The following AGBL1 variants were observed in gnomAD, a reference collection of about 807,000 sequenced individuals.
The protein encoded by AGBL1 is cytosolic carboxypeptidase 4.
A neutral mutation model predicts 118.9 loss-of-function variants in AGBL1; 130 were observed. The observed-to-expected ratio is 1.09, with a 90% CI of 0.95 to 1.26. The LOEUF (loss-of-function observed/expected upper bound fraction) is 1.26. AGBL1 is among the 50% of genes most tolerant of loss of function. AGBL1 has a pLI of 0.00. For synonymous variants in AGBL1, 555 were observed against 478.9 expected (o/e 1.16, Z -2.08); for missense variants, 1,584 against 1,298.1 (o/e 1.22, Z -3.38).
chr15:86,234,784 A>G (rs1173720595), intron 6 of AGBL1, among the ~76,000 whole-genome samples: 1 of 152,192 alleles, frequency 6.6e-6, no homozygotes, highest in Non-Finnish European at 1.5e-5. Context: ...GGAGTACAGT[A>G]CTGGATCTTG....
At chr15:86,487,281 T>C (rs370901836) in intron 18 of AGBL1, among the ~76,000 whole-genome samples, 12 of 152,032 alleles carry the variant, frequency 7.9e-5, no homozygotes, top group African/African-American at 2.9e-4. Flanking sequence ...ATTGTAACTC[T>C]TTGCTTGAAA....
chr15:86,641,512 C>G (rs1458635389), intron 21 of AGBL1, among the ~76,000 whole-genome samples: 1 of 151,910 alleles, frequency 6.6e-6, no homozygotes, highest in East Asian at 1.9e-4. Flanking sequence ...ACTCTCCTGA[C>G]TTTTGTGAGA....
intron 21 of AGBL1, among the ~76,000 whole-genome samples, chr15:86,618,953 A>AC (rs2084767356): frequency 6.6e-6 from 1 of 152,164 alleles, no homozygotes; most frequent in Non-Finnish European, 1.5e-5. Flanking sequence ...TGCAGAAAAA[A>AC]TGTAGGCAGT....
intron 21 of AGBL1, among the ~76,000 whole-genome samples, chr15:86,632,171 G>A (rs1430550487): frequency 6.6e-6 from 1 of 151,742 alleles, no homozygotes; most frequent in African/African-American, 2.4e-5. Flanking sequence ...GGAAGGCTGA[G>A]GGAGGAGGAT....
rs891393371 is a variant in AGBL1, at chr15:86,912,419, T to C, written c.*5125T>C. On this transcript the variant is annotated 3_prime_UTR_variant, in exon 23 of 23. Coordinates refer to ENST00000614907, the MANE Select transcript of AGBL1 (RefSeq NM_001386094.1). ...GGTGAGAACTGTCTGTGCAGCTCCATGGATATCATGCCAACTTGGCTGCCT... is the reference window on the plus strand; with the variant it reads ...GGTGAGAACTGTCTGTGCAGCTCCACGGATATCATGCCAACTTGGCTGCCT... The C allele has an allele frequency of 3.3e-5, 5 of 152,182 alleles. No homozygotes were observed. The highest frequency in any genetic ancestry group is 1.2e-4 in the African/African-American group (5 of 41,434). 9.4% of individuals were successfully genotyped at this position (152,182 alleles called of 1,614,324 possible). A position where few individuals can be genotyped will look rare whatever the true frequency, so the allele number is the denominator to read the frequency against.
chr15:86,802,840 G>T (rs2078668781), intron 22 of AGBL1, among the ~76,000 whole-genome samples: 1 of 152,210 alleles, frequency 6.6e-6, no homozygotes, highest in Non-Finnish European at 1.5e-5. Context: ...CGTTGCAATT[G>T]TCCCTTAACC....
intron 4 of AGBL1, among the ~76,000 whole-genome samples, chr15:86,156,989 C>T (rs138249807): frequency 2.0e-5 from 3 of 152,060 alleles, no homozygotes; most frequent in Non-Finnish European, 4.4e-5. Flanking sequence ...GGAGTTTCAC[C>T]ATGTTGGCCA....
chr15:86,709,674 A>G (rs2086519178), intron 22 of AGBL1, among the ~76,000 whole-genome samples: 1 of 152,182 alleles, frequency 6.6e-6, no homozygotes, highest in Non-Finnish European at 1.5e-5. Context: ...AGGAATTGTG[A>G]CTAGAGTAGG....
chr15:86,995,360 T>G (rs2081370548), intron 24 of AGBL1, among the ~76,000 whole-genome samples: 1 of 152,090 alleles, frequency 6.6e-6, no homozygotes, highest in Non-Finnish European at 1.5e-5. Context: ...TACTCCAGGG[T>G]GAGTGACAGA....
At chr15:86,118,175 G>A (rs1485581320) in intron 1 of AGBL1, among the ~76,000 whole-genome samples, 3 of 152,136 alleles carry the variant, frequency 2.0e-5, no homozygotes, top group Admixed American at 6.6e-5. Flanking sequence ...ATTTTTAAAG[G>A]TGCTGCCAAG....
At chr15:86,379,123 G>C (rs568543234) in intron 17 of AGBL1, among the ~76,000 whole-genome samples, 6 of 151,830 alleles carry the variant, frequency 4.0e-5, no homozygotes, top group Non-Finnish European at 5.9e-5. Context: ...GTGTTGGTCA[G>C]GCTGGTCTTG....
chr15:86,453,355 A>G (rs2082219154), intron 18 of AGBL1, among the ~76,000 whole-genome samples: 1 of 152,246 alleles, frequency 6.6e-6, no homozygotes, highest in South Asian at 2.1e-4. Flanking sequence ...ATATAGATGC[A>G]TGTTCCGGAA....
intron 23 of AGBL1, among the ~76,000 whole-genome samples, chr15:86,940,284 A>C (rs556384953): frequency 6.6e-6 from 1 of 151,600 alleles, no homozygotes; most frequent in East Asian, 1.9e-4. Flanking sequence ...TTAACCTCTT[A>C]ATTTGTTGAT....
rs1567242788 is a variant in AGBL1, at chr15:86,410,830, AT to A, written c.2555+13285del. ...TAGATATATATATATATATATATAT[AT>A]ATATATATATAATATACTATTTTAT... On this transcript the variant is annotated intron_variant, in intron 18 of 22. Coordinates refer to ENST00000614907, the MANE Select transcript of AGBL1 (RefSeq NM_001386094.1). 3.9e-4 allele frequency among the ~76,000 whole-genome samples: 35 copies of A among 90,436 alleles called. 2 individuals carry two copies. The highest frequency in any genetic ancestry group is 5.3e-4 in the African/African-American group (12 of 22,816). 59.3% of individuals were successfully genotyped at this position (90,436 alleles called of 152,430 possible).
intron 22 of AGBL1, among the ~76,000 whole-genome samples, chr15:86,865,088 C>T (rs947066481): frequency 1.3e-5 from 2 of 152,098 alleles, no homozygotes; most frequent in Non-Finnish European, 2.9e-5. Flanking sequence ...AGTGCTGATC[C>T]ATCGTGGGAG....
chr15:86,620,895 G>T (rs1163059549), intron 21 of AGBL1, among the ~76,000 whole-genome samples: 2 of 150,402 alleles, frequency 1.3e-5, no homozygotes, highest in Non-Finnish European at 3.0e-5. Flanking sequence ...TTTTCAAGTC[G>T]CCTGCGTGCT....
At chr15:86,123,736 C>T (rs574955275) in intron 1 of AGBL1, among the ~76,000 whole-genome samples, 3 of 152,304 alleles carry the variant, frequency 2.0e-5, no homozygotes, top group Admixed American at 1.3e-4. Context: ...TTATGTCTCC[C>T]TAAAGGGTAT....
At chr15:86,112,870 T>C (rs1043364995) in intron 1 of AGBL1, among the ~76,000 whole-genome samples, 1 of 152,236 alleles carries the variant, frequency 6.6e-6, no homozygotes, top group Admixed American at 6.5e-5. Context: ...AAAATAAGCC[T>C]ATTAGCTATT....
At chr15:86,784,556 C>T (rs2141316083) in intron 22 of AGBL1, among the ~76,000 whole-genome samples, 1 of 152,216 alleles carries the variant, frequency 6.6e-6, no homozygotes, top group Middle Eastern at 3.4e-3. Flanking sequence ...GGGAGTACCC[C>T]AGGTGTCTTC....
Sources: allele counts gnomAD v4.1 joint callset (sites outside exome capture counted in the v4.1 genomes callset), GRCh38; gene constraint gnomAD v4.1.1; transcripts MANE v1.5; gene names NCBI Gene and HGNC (gene_info 2026-07-23, HGNC 2026-07-21).